Variants in CHSY3 observed in about 807,000 individuals in gnomAD.
The protein encoded by CHSY3 is N-acetylgalactosaminyl-proteoglycan 3-beta-glucuronosyltransferase 3.
Under a neutral mutation model 67.2 loss-of-function variants are expected in CHSY3, and 35 were observed. The observed-to-expected ratio is 0.52, with a 90% confidence interval of 0.40 to 0.69. The LOEUF (loss-of-function observed/expected upper bound fraction) is 0.69. Ranked by LOEUF, CHSY3 falls within the 30% of genes least tolerant of loss-of-function variation. The pLI, the probability that CHSY3 is intolerant of heterozygous loss-of-function variation, is 0.00. For synonymous variants in CHSY3, 474 were observed against 434.7 expected (o/e 1.09, Z -1.12); for missense variants, 1,069 against 1,138.5 (o/e 0.94, Z 0.88).
intron 2 of CHSY3, among the ~76,000 whole-genome samples, chr5:129,968,292 A>G (rs777941406): frequency 2.8e-4 from 43 of 152,008 alleles, no homozygotes; most frequent in Non-Finnish European, 4.7e-4. Context: ...TTATCTGTGT[A>G]GCTAACATTT....
intron 2 of CHSY3, among the ~76,000 whole-genome samples, chr5:130,015,622 C>T (rs1764198036): frequency 6.6e-6 from 1 of 152,160 alleles, no homozygotes; most frequent in Non-Finnish European, 1.5e-5. Context: ...AAGGGGAAGA[C>T]TTACACAGTG....
At chr5:129,951,603 G>A (rs1762025021) in intron 2 of CHSY3, among the ~76,000 whole-genome samples, 1 of 152,142 alleles carries the variant, frequency 6.6e-6, no homozygotes, top group African/African-American at 2.4e-5. Flanking sequence ...GATTCTGCCT[G>A]TAAAATCACA....
chr5:130,152,757 AAT>A (rs1769266101), intron 2 of CHSY3, among the ~76,000 whole-genome samples: 1 of 152,100 alleles, frequency 6.6e-6, no homozygotes, highest in Non-Finnish European at 1.5e-5. Flanking sequence ...GATAATATTT[AAT>A]GCCCTTGGAA....
chr5:130,112,914 G>C (rs555633225), intron 2 of CHSY3, among the ~76,000 whole-genome samples: 1 of 151,928 alleles, frequency 6.6e-6, no homozygotes, highest in African/African-American at 2.4e-5. Flanking sequence ...TTTCCCTTTG[G>C]CTAAATAACT....
intron 2 of CHSY3, among the ~76,000 whole-genome samples, chr5:130,150,631 G>T (rs1769209332): frequency 6.6e-6 from 1 of 151,998 alleles, no homozygotes; most frequent in Non-Finnish European, 1.5e-5. Context: ...GTCTCAAAAG[G>T]ATTACTTTCC....
At chr5:130,178,227 T>TATATATATATATATA (rs1561571814) in intron 2 of CHSY3, among the ~76,000 whole-genome samples, 2 of 65,838 alleles carry the variant, frequency 3.0e-5, no homozygotes, top group African/African-American at 1.3e-4. Flanking sequence ...ATATTTATAT[T>TATATATATATATATA]TATATATATA....
At chr5:130,043,843 T>A (rs936960383) in intron 2 of CHSY3, among the ~76,000 whole-genome samples, 1 of 152,144 alleles carries the variant, frequency 6.6e-6, no homozygotes, top group African/African-American at 2.4e-5. Context: ...GGTTGACTTT[T>A]GGATTTAATT....
In CHSY3 at chr5:130,184,245, A is replaced by T; in HGVS notation, c.1103A>T (p.His368Leu). ...VWSYEMQQLF[H>L]ENYEHNRKGY... ...ACTTTTCAGATGCAACAACTGTTCCATGAAAATTATGAACACAATCGGAAG... is the reference window on the plus strand; with the variant it reads ...ACTTTTCAGATGCAACAACTGTTCCTTGAAAATTATGAACACAATCGGAAG... The change falls in exon 3 of 3, where the codon CAT (histidine) becomes CTT (leucine). Residue 368 changes from histidine (H) to leucine (L), a missense_variant. This residue lies in a region of CHSY3 where 216 missense variants were observed against 311.5 expected (regional missense o/e 0.69). Transcript: ENST00000305031. 6.5e-7 allele frequency: 1 copy of T among 1,542,922 alleles called. No individual in the cohort carries two copies. The highest frequency in any genetic ancestry group is 8.7e-7 in the Non-Finnish European group (1 of 1,143,044).
intron 2 of CHSY3, among the ~76,000 whole-genome samples, chr5:129,931,051 C>A (rs972320079): frequency 3.3e-5 from 5 of 151,934 alleles, no homozygotes; most frequent in South Asian, 2.1e-4. Context: ...GGTCATATAT[C>A]ATGCTAACTG....
intron 2 of CHSY3, among the ~76,000 whole-genome samples, chr5:129,995,662 G>T (rs1763517281): frequency 6.6e-6 from 1 of 151,040 alleles, no homozygotes; most frequent in African/African-American, 2.4e-5. Context: ...CTCCCATGTT[G>T]GAGCCAACAT....
intron 2 of CHSY3, among the ~76,000 whole-genome samples, chr5:130,066,734 G>C (rs187523685): frequency 3.3e-5 from 5 of 152,074 alleles, no homozygotes; most frequent in Admixed American, 1.3e-4. Context: ...AAAATAAGGA[G>C]TCATCTACTC....
intron 2 of CHSY3, among the ~76,000 whole-genome samples, chr5:130,009,276 A>C (rs1355537150): frequency 3.3e-5 from 5 of 152,332 alleles, no homozygotes; most frequent in African/African-American, 1.2e-4. Flanking sequence ...CTTTCAGCAG[A>C]AATTCTATAA....
In CHSY3 at chr5:130,143,811, T is replaced by TAC. The variant is rs1561557370; in HGVS notation, c.1087-40417_1087-40416insCA. 2.4e-4 allele frequency among the ~76,000 whole-genome samples: 6 copies of TAC among 24,982 alleles called. 1 individual carries two copies. The highest frequency in any genetic ancestry group is 1.7e-3 in the Admixed American group (4 of 2,396). The allele number at this position is 24,982 out of a possible 152,430, so 16.4% of individuals were successfully genotyped here. A position where few individuals can be genotyped will look rare whatever the true frequency, so the allele number is the denominator to read the frequency against. On this transcript the variant is annotated intron_variant, in intron 2 of 2. Coordinates refer to ENST00000305031, the MANE Select transcript of CHSY3 (RefSeq NM_175856.5). ...ATATATATATATATATATATGTGTG[T>TAC]ATATATATATATATATATATATATA...
At chr5:130,012,956 A>G (rs1033529894) in intron 2 of CHSY3, among the ~76,000 whole-genome samples, 20 of 152,136 alleles carry the variant, frequency 1.3e-4, no homozygotes, top group South Asian at 8.3e-4. Flanking sequence ...AGCCTGTAAA[A>G]TCAAAAGCAA....
Position 129,980,174 on chromosome 5 carries a change from GTCT to G in CHSY3, c.1086+71819_1086+71821del, listed in dbSNP as rs1762942017. On this transcript the variant is annotated intron_variant, in intron 2 of 2. Transcript: ENST00000305031. Reference sequence around the variant, plus strand: ...TAGCTTTGTAAAAAATCACCAAACTGTCTTCTTAAGTAGTTATACCATTTTGCA... The same window carrying G: ...TAGCTTTGTAAAAAATCACCAAACTGTCTTAAGTAGTTATACCATTTTGCA... Among the ~76,000 whole-genome samples, 3 of 152,244 alleles carry G rather than the reference GTCT, an allele frequency of 2.0e-5. No homozygotes were observed. In the South Asian group the frequency reaches 6.2e-4, roughly 32 times the overall value.
intron 2 of CHSY3, among the ~76,000 whole-genome samples, chr5:130,089,420 C>G (rs1766798461): frequency 1.3e-5 from 2 of 151,728 alleles, no homozygotes. Context: ...AAGTAAAGTA[C>G]AGAAACTTCA....
intron 2 of CHSY3, among the ~76,000 whole-genome samples, chr5:129,940,213 A>T (rs1375547120): frequency 6.6e-6 from 1 of 152,026 alleles, no homozygotes; most frequent in East Asian, 1.9e-4. Flanking sequence ...ATCTAAGGGG[A>T]TATGAGCAGG....
chr5:130,066,925 G>A (rs1227132465), intron 2 of CHSY3, among the ~76,000 whole-genome samples: 1 of 152,118 alleles, frequency 6.6e-6, no homozygotes, highest in African/African-American at 2.4e-5. Flanking sequence ...AGCAAGGCCA[G>A]GATGCTAGAT....
chr5:130,175,795 C>G (rs1332049877), intron 2 of CHSY3, among the ~76,000 whole-genome samples: 1 of 152,192 alleles, frequency 6.6e-6, no homozygotes, highest in African/African-American at 2.4e-5. Flanking sequence ...GGAAAACTGG[C>G]TACCCATATG....
Sources: gnomAD v4.1 joint callset for allele counts (sites outside exome capture counted in the v4.1 genomes callset) on GRCh38, gnomAD v4.1.1 for gene constraint, gnomAD v4.1.1 regional missense constraint, MANE v1.5 for transcripts, NCBI Gene and HGNC (gene_info 2026-07-23, HGNC 2026-07-21) for gene names.